The following ACYP2 variants were observed in gnomAD, a reference collection of about 807,000 sequenced individuals.
The protein encoded by ACYP2 is acylphosphatase-2.
ACYP2 carries 12 observed loss-of-function variants against 11.2 expected under a neutral mutation model. The observed-to-expected ratio is 1.08, with a 90% CI of 0.69 to 1.74. ACYP2 has a LOEUF of 1.74. Among genes scored for constraint, ACYP2 ranks in the 40% most tolerant of loss-of-function variants. The pLI is 0.00. For missense variants in ACYP2, 134 were observed against 101.9 expected (o/e 1.31, Z -1.35); for synonymous variants, 43 against 32.2 (o/e 1.33, Z -1.13).
intron 6 of ACYP2, among the ~76,000 whole-genome samples, chr2:54,150,674 G>A (rs984736697): frequency 1.8e-4 from 28 of 151,878 alleles, no homozygotes; most frequent in Admixed American, 1.2e-3. Flanking sequence ...GGCCCATCTC[G>A]GCCTCCCAAA....
At chr2:54,023,101 A>G (rs145048815) in intron 2 of ACYP2, among the ~76,000 whole-genome samples, 1,888 of 152,248 alleles carry the variant, frequency 0.012, 39 homozygotes, top group African/African-American at 0.042. Flanking sequence ...TAAAAGAAAA[A>G]ATATTTTTTC....
intron 3 of ACYP2, chr2:54,051,449 G>T: frequency 2.9e-6 from 2 of 693,384 alleles, no homozygotes; most frequent in Non-Finnish European, 5.2e-6. Context: ...CCTCCTAAAC[G>T]GGTGACAAAA....
intron 6 of ACYP2, chr2:54,255,223 A>ACAAT: frequency 6.2e-7 from 1 of 1,614,178 alleles, no homozygotes; most frequent in East Asian, 2.2e-5. Context: ...ATACACCTTT[A>ACAAT]CAATCAGCTT....
chr2:53,997,751 A>T (rs1672642198), intron 2 of ACYP2, among the ~76,000 whole-genome samples: 1 of 152,212 alleles, frequency 6.6e-6, no homozygotes. Context: ...TGGGGAATAG[A>T]TTAAGAAGCC....
At chr2:54,073,916 C>A (rs1677192651) in intron 4 of ACYP2, among the ~76,000 whole-genome samples, 1 of 152,176 alleles carries the variant, frequency 6.6e-6, no homozygotes, top group African/African-American at 2.4e-5. Context: ...ACATTGGAAC[C>A]TGCATATAAT....
chr2:54,060,694 G>A (rs76977920), intron 4 of ACYP2, among the ~76,000 whole-genome samples: 3,184 of 152,264 alleles, frequency 0.021, 117 homozygotes, highest in African/African-American at 0.071. Flanking sequence ...CCACCCATGT[G>A]TAGTCATAAG....
At position 54,189,618 on chromosome 2, in the gene ACYP2, T is replaced by C. The variant is rs537570378; in HGVS notation, c.404+50870T>C. Among the ~76,000 whole-genome samples the C allele has an allele frequency of 1.1e-3, 162 of 152,284 alleles. 1 individual carries two copies. Among genetic ancestry groups the C allele is most frequent in the African/African-American group, 3.8e-3 (159 of 41,556 alleles). Reference sequence around the variant, plus strand: ...TTTTCCATCCTTCTGTCAACGGACATTCAGATTGTTTCTCTATCTTGGCTA... The same window carrying C: ...TTTTCCATCCTTCTGTCAACGGACACTCAGATTGTTTCTCTATCTTGGCTA... On this transcript the variant is annotated intron_variant, in intron 6 of 6. Transcript: ENST00000607452.
chr2:53,978,766 C>G (rs1558448628), intron 2 of ACYP2, among the ~76,000 whole-genome samples: 1 of 152,080 alleles, frequency 6.6e-6, no homozygotes, highest in Non-Finnish European at 1.5e-5. Context: ...ACCAAAAATA[C>G]AAAAACATTA....
intron 4 of ACYP2, among the ~76,000 whole-genome samples, chr2:54,128,906 A>T (rs372492212): frequency 6.6e-6 from 1 of 152,226 alleles, no homozygotes; most frequent in South Asian, 2.1e-4. Flanking sequence ...GATCTTACCC[A>T]CTTGGTCTAC....
intron 6 of ACYP2, among the ~76,000 whole-genome samples, chr2:54,197,893 GATTTT>G (rs201596351): frequency 2.1e-4 from 31 of 149,590 alleles, no homozygotes; most frequent in African/African-American, 5.1e-4. Flanking sequence ...ATCTGCTTAG[GATTTT>G]ATTTTATTTT....
chr2:54,207,308 T>A (rs762000307), intron 6 of ACYP2, among the ~76,000 whole-genome samples: 1 of 151,784 alleles, frequency 6.6e-6, no homozygotes, highest in Non-Finnish European at 1.5e-5. Context: ...AGAGTTGATA[T>A]TGTAGTCTTG....
chr2:54,209,531 C>G (rs568310834), intron 6 of ACYP2, among the ~76,000 whole-genome samples: 1 of 152,086 alleles, frequency 6.6e-6, no homozygotes, highest in African/African-American at 2.4e-5. Context: ...TTTCTTTGGA[C>G]CAGACTAGAA....
chr2:54,082,176 A>C (rs1003626815), intron 4 of ACYP2, among the ~76,000 whole-genome samples: 6 of 152,234 alleles, frequency 3.9e-5, no homozygotes, highest in African/African-American at 1.2e-4. Context: ...TGAATTTTGA[A>C]ATATCAATCA....
intron 4 of ACYP2, among the ~76,000 whole-genome samples, chr2:54,122,546 A>T (rs1680221585): frequency 6.6e-6 from 1 of 152,216 alleles, no homozygotes; most frequent in South Asian, 2.1e-4. Context: ...CCCATAGATA[A>T]ATCTCCTACA....
chr2:54,277,832 T>C (rs750186452), intron 6 of ACYP2, among the ~76,000 whole-genome samples: 1 of 152,196 alleles, frequency 6.6e-6, no homozygotes, highest in African/African-American at 2.4e-5. Flanking sequence ...TGTAATAATA[T>C]ATTACTTGTC....
At chr2:54,109,216 A>C (rs1373663099) in intron 4 of ACYP2, among the ~76,000 whole-genome samples, 2 of 152,220 alleles carry the variant, frequency 1.3e-5, no homozygotes, top group Non-Finnish European at 1.5e-5. Context: ...TATACCATGG[A>C]ATACTACTCA....
chr2:54,076,732 G>GTAC lies in ACYP2; in HGVS notation c.277+19373_277+19375dup, dbSNP rs528671399. 3.4e-3 allele frequency among the ~76,000 whole-genome samples: 521 copies of GTAC among 152,204 alleles called. 1 individual carries two copies. The highest frequency in any genetic ancestry group is 5.5e-3 in the Non-Finnish European group (377 of 68,006). ...GATCAGGGAGGGAGAGAGAGAGAGG[G>GTAC]TACAGCAGCCATTTGGCTTGGCCTG... On this transcript the variant is annotated intron_variant, in intron 4 of 6. Coordinates refer to ENST00000607452, the MANE Select transcript of ACYP2 (RefSeq NM_001320586.2).
chr2:54,252,898 C>A (rs1381602227), intron 6 of ACYP2, among the ~76,000 whole-genome samples: 14 of 145,848 alleles, frequency 9.6e-5, no homozygotes. Context: ...AGCGAGACTC[C>A]GTCTCAAAAA....
chr2:54,208,450 G>T (rs1461545461), intron 6 of ACYP2, among the ~76,000 whole-genome samples: 1 of 152,084 alleles, frequency 6.6e-6, no homozygotes, highest in South Asian at 2.1e-4. Context: ...GGTGCAGGGG[G>T]TGGGATGTTT....
Sources: allele counts gnomAD v4.1 joint callset (sites outside exome capture counted in the v4.1 genomes callset), GRCh38; gene constraint gnomAD v4.1.1; transcripts MANE v1.5; gene names NCBI Gene and HGNC (gene_info 2026-07-23, HGNC 2026-07-21).